Variants in ANKHD1 observed in about 807,000 individuals in gnomAD.
The protein encoded by ANKHD1 is ankyrin repeat and KH domain-containing protein 1.
ANKHD1 carries 31 observed loss-of-function variants against 230.5 expected under a neutral mutation model. That is an observed-to-expected ratio of 0.13 (90% CI 0.10 to 0.18). The LOEUF (loss-of-function observed/expected upper bound fraction) is 0.18. ANKHD1 is among the 10% of genes least tolerant of loss of function. The probability of loss-of-function intolerance (pLI) is 1.00; values close to 1 mark genes in which losing one functional copy is unlikely to be tolerated. For missense variants in ANKHD1, 2,256 were observed against 3,071.3 expected, an observed-to-expected ratio of 0.73 and a Z score of 6.27; for synonymous variants, 1,074 against 1,117.6, an observed-to-expected ratio of 0.96 and a Z score of 0.78.
chr5:140,418,016 A>AT (rs1452425379), intron 1 of ANKHD1, among the ~76,000 whole-genome samples: 1 of 148,264 alleles, frequency 6.7e-6, no homozygotes, highest in Non-Finnish European at 1.5e-5. Flanking sequence ...GTTTTTTTGT[A>AT]TTTTTAGTAG....
Position 140,505,163 on chromosome 5 carries a change from A to C in ANKHD1, c.3192A>C (p.Ala1064=), listed in dbSNP as rs1285159543. ...ACACAGCATTAACACTAGCTTGTGC[A>C]GGTGGTCATGAAGAACTTGTATCTG... is the stretch of plus-strand genomic sequence containing the variant. ...NHDTALTLAC[A]GGHEELVSVL... The change falls in exon 17 of 34, where the codon GCA becomes GCC. Residue 1064 remains alanine (A), a synonymous_variant. Transcript: ENST00000360839. 6.2e-7 allele frequency: 1 copy of C among 1,614,162 alleles called. No individual in the cohort carries two copies. Among genetic ancestry groups the C allele is most frequent in the Admixed American group, 1.7e-5 (1 of 60,024 alleles).
intron 7 of ANKHD1, among the ~76,000 whole-genome samples, chr5:140,449,902 A>G (rs1774579144): frequency 6.6e-6 from 1 of 152,184 alleles, no homozygotes; most frequent in African/African-American, 2.4e-5. Context: ...ATTGACTCAA[A>G]CTGTATGGAT....
chr5:140,533,305 AGCT>A (rs1753918548), intron 29 of ANKHD1, among the ~76,000 whole-genome samples: 1 of 152,040 alleles, frequency 6.6e-6, no homozygotes, highest in Non-Finnish European at 1.5e-5. Context: ...TTTCAAAGTT[AGCT>A]CAGTGTGGGA....
chr5:140,450,354 G>A (rs1298432954), intron 7 of ANKHD1, among the ~76,000 whole-genome samples: 2 of 150,752 alleles, frequency 1.3e-5, no homozygotes, highest in Non-Finnish European at 2.9e-5. Context: ...GGAGTGCAGT[G>A]GTGTGATCTT....
At chr5:140,520,036 A>G (rs1433448650) in intron 24 of ANKHD1, among the ~76,000 whole-genome samples, 1 of 150,524 alleles carries the variant, frequency 6.6e-6, no homozygotes, top group Non-Finnish European at 1.5e-5. Flanking sequence ...TCATCTGACA[A>G]AGGGCTAATA....
intron 7 of ANKHD1, among the ~76,000 whole-genome samples, chr5:140,452,556 A>G (rs953999132): frequency 2.6e-5 from 4 of 152,118 alleles, no homozygotes; most frequent in Non-Finnish European, 5.9e-5. Flanking sequence ...AACATTTGCT[A>G]TTCAGCAATA....
chr5:140,413,301 G>A (rs1023300441), intron 1 of ANKHD1, among the ~76,000 whole-genome samples: 3 of 152,028 alleles, frequency 2.0e-5, no homozygotes, highest in Non-Finnish European at 2.9e-5. Flanking sequence ...TTTTAAAATT[G>A]TGGTAGAATA....
intron 1 of ANKHD1, among the ~76,000 whole-genome samples, chr5:140,413,313 G>A (rs1309279056): frequency 2.0e-5 from 3 of 152,044 alleles, no homozygotes; most frequent in African/African-American, 4.8e-5. Context: ...GGTAGAATAT[G>A]TATATATAAC....
At position 140,532,193 on chromosome 5, in the gene ANKHD1, G is replaced by A. The variant is rs1378889739; in HGVS notation, c.6850+2397G>A. Reference sequence around the variant, plus strand: ...CTGCACTCCAGCCTGGTGACAGAGCGAGACTCTGTCTTAAAAAAAAAAAAA... The same window carrying A: ...CTGCACTCCAGCCTGGTGACAGAGCAAGACTCTGTCTTAAAAAAAAAAAAA... On this transcript the variant is annotated intron_variant, in intron 29 of 33. Coordinates refer to ENST00000360839, the MANE Select transcript of ANKHD1 (RefSeq NM_017747.3). Among the ~76,000 whole-genome samples the A allele has an allele frequency of 1.2e-4, 18 of 147,666 alleles. No individual in the cohort carries two copies. In the East Asian group the frequency reaches 2.8e-3, roughly 23 times the overall value.
At chr5:140,418,001 G>A (rs770448277) in intron 1 of ANKHD1, among the ~76,000 whole-genome samples, 38 of 151,356 alleles carry the variant, frequency 2.5e-4, no homozygotes, top group African/African-American at 8.3e-4. Flanking sequence ...CACCACGCCC[G>A]GCTAGTTTTT....
At chr5:140,501,965 GC>G (rs1283753883) in intron 15 of ANKHD1, among the ~76,000 whole-genome samples, 32 of 151,516 alleles carry the variant, frequency 2.1e-4, no homozygotes, top group Non-Finnish European at 2.9e-5. Context: ...TACTTGGGAG[GC>G]TAAGGTGGGA....
At chr5:140,517,323 T>A (rs1311820539) in intron 24 of ANKHD1, among the ~76,000 whole-genome samples, 1 of 131,814 alleles carries the variant, frequency 7.6e-6, no homozygotes, top group African/African-American at 2.9e-5. Flanking sequence ...AGACTTAGAC[T>A]CCCACACATT....
chr5:140,432,649 A>G (rs541762604), intron 1 of ANKHD1, among the ~76,000 whole-genome samples: 10 of 152,324 alleles, frequency 6.6e-5, no homozygotes, highest in Admixed American at 3.9e-4. Context: ...AGAACTGTCA[A>G]ACTGTTTCCA....
chr5:140,538,933 C>A lies in ANKHD1; in HGVS notation c.7419C>A (p.Ser2473=), dbSNP rs1406546966. Residue 2473 remains serine, a synonymous_variant, in exon 33 of 34, where the codon TCC becomes TCA. Transcript: ENST00000360839. ...FVDFSKGLPI[S]MYGGTIIPSH... is the part of the protein sequence containing the mutation. ...TGCTGTTTTAGGGTCTGCCAATTTCCATGTATGGAGGCACCATAATACCCT... is the reference window on the plus strand; with the variant it reads ...TGCTGTTTTAGGGTCTGCCAATTTCAATGTATGGAGGCACCATAATACCCT... 2 of 1,542,882 alleles carry A rather than the reference C, an allele frequency of 1.3e-6. No individual in the cohort carries two copies. The highest frequency in any genetic ancestry group is 1.7e-6 in the Non-Finnish European group (2 of 1,147,484).
chr5:140,453,747 C>T (rs1050527433), intron 7 of ANKHD1, among the ~76,000 whole-genome samples: 4 of 152,156 alleles, frequency 2.6e-5, no homozygotes, highest in African/African-American at 7.2e-5. Context: ...TGGTACCAGC[C>T]ACTGCAAAAT....
intron 25 of ANKHD1, among the ~76,000 whole-genome samples, chr5:140,524,506 C>A (rs1306597836): frequency 6.6e-6 from 1 of 152,150 alleles, no homozygotes; most frequent in East Asian, 1.9e-4. Context: ...ATACTAAAAG[C>A]AATACAGTGA....
intron 1 of ANKHD1, among the ~76,000 whole-genome samples, chr5:140,414,993 T>C (rs1189896568): frequency 6.6e-6 from 1 of 152,194 alleles, no homozygotes; most frequent in Non-Finnish European, 1.5e-5. Context: ...TAGTGTCCTT[T>C]CATGAACAAA....
At position 140,440,362 on chromosome 5, in the gene ANKHD1, A is replaced by G. The variant is rs149898567; in HGVS notation, c.765+96A>G. 6.7e-3 allele frequency: 9,578 copies of G among 1,434,270 alleles called. 62 individuals are homozygous for G. Among genetic ancestry groups the G allele is most frequent in the Middle Eastern group, 0.019 (74 of 3,840 alleles). The allele number at this position is 1,434,270 out of a possible 1,614,324, so 88.8% of individuals were successfully genotyped here. A position where few individuals can be genotyped will look rare whatever the true frequency, so the allele number is the denominator to read the frequency against. On this transcript the variant is annotated intron_variant, in intron 4 of 33. Coordinates refer to ENST00000360839, the MANE Select transcript of ANKHD1 (RefSeq NM_017747.3). ...ATAAGATAGATTATAATTAGAGGCC[A>G]GAGTCTTCTCTTCCCCCATCCTCCT...
At chr5:140,434,461 A>G (rs1773289839) in intron 1 of ANKHD1, among the ~76,000 whole-genome samples, 1 of 149,956 alleles carries the variant, frequency 6.7e-6, no homozygotes, top group Non-Finnish European at 1.5e-5. Flanking sequence ...TATATGCCAT[A>G]CATGTTATAT....
Sources: allele counts gnomAD v4.1 joint callset (sites outside exome capture counted in the v4.1 genomes callset), GRCh38; gene constraint gnomAD v4.1.1; transcripts MANE v1.5; gene names NCBI Gene and HGNC (gene_info 2026-07-23, HGNC 2026-07-21).